The following CFAP58 variants were observed in gnomAD, a reference collection of about 807,000 sequenced individuals.
The protein encoded by CFAP58 is cilia- and flagella-associated protein 58.
CFAP58 carries 88 observed loss-of-function variants against 119.5 expected under a neutral mutation model. That is an observed-to-expected ratio of 0.74 (90% confidence interval 0.62 to 0.88). The LOEUF (loss-of-function observed/expected upper bound fraction) is 0.88, where lower values mean the gene tolerates loss of function less well. CFAP58 is among the 40% of genes least tolerant of loss of function. The probability of loss-of-function intolerance (pLI) is 0.00; values close to 1 mark genes in which losing one functional copy is unlikely to be tolerated. For missense variants in CFAP58, 990 were observed against 1,021.2 expected, an observed-to-expected ratio of 0.97 and a Z score of 0.42; for synonymous variants, 365 against 366.3, an observed-to-expected ratio of 1.00 and a Z score of 0.04.
Position 104,454,632 on chromosome 10 carries a change from G to A in CFAP58, c.*102G>A. ...CTTGGATCATAGAACTGAGTGCTGA[G>A]AATCCAGGATGGAAAGAAATGCAGA... is the stretch of plus-strand genomic sequence containing the variant. On this transcript the variant is annotated 3_prime_UTR_variant, in exon 18 of 18. Transcript: ENST00000369704. 1 of 813,360 alleles carries A rather than the reference G, an allele frequency of 1.2e-6. No homozygotes were observed. The allele number at this position is 813,360 out of a possible 1,614,324, so 50.4% of individuals were successfully genotyped here. A position where few individuals can be genotyped will look rare whatever the true frequency, so the allele number is the denominator to read the frequency against.
intron 5 of CFAP58, among the ~76,000 whole-genome samples, chr10:104,366,323 A>G (rs2014750037): frequency 1.3e-5 from 2 of 152,120 alleles, no homozygotes; most frequent in African/African-American, 4.8e-5. Context: ...ACTCAACCGC[A>G]TCTTGGTCAC....
At chr10:104,431,379 T>C (rs2012844580) in intron 15 of CFAP58, among the ~76,000 whole-genome samples, 1 of 152,222 alleles carries the variant, frequency 6.6e-6, no homozygotes, top group Non-Finnish European at 1.5e-5. Flanking sequence ...ATGGGATTTA[T>C]ATTTGGAAAA....
At position 104,362,592 on chromosome 10, in the gene CFAP58, C is replaced by G. The variant is rs376461769; in HGVS notation, c.440+421C>G. Among the ~76,000 whole-genome samples, 9 of 152,254 alleles carry G rather than the reference C, an allele frequency of 5.9e-5. No individual in the cohort carries two copies. In the East Asian group the frequency reaches 1.5e-3, roughly 26 times the overall value. On this transcript the variant is annotated intron_variant, in intron 3 of 17. Transcript: ENST00000369704. ...TGCTGCTCTTCCCTCCTCCTGCTCC[C>G]CCATCTCTTAAAGCCACTGTCTTGT...
intron 15 of CFAP58, among the ~76,000 whole-genome samples, chr10:104,422,588 G>C (rs1057418596): frequency 2.6e-5 from 4 of 152,202 alleles, no homozygotes; most frequent in African/African-American, 9.7e-5. Context: ...GCCCAAAGCT[G>C]GTTCATTTGG....
intron 15 of CFAP58, among the ~76,000 whole-genome samples, chr10:104,413,241 CT>C (rs1198590719): frequency 6.6e-6 from 1 of 152,174 alleles, no homozygotes; most frequent in Non-Finnish European, 1.5e-5. Flanking sequence ...TGACTTCTGA[CT>C]TTTCAGGAGT....
In CFAP58 at chr10:104,366,104, G is replaced by A. The variant is rs986199197; in HGVS notation, c.792+96G>A. Reference sequence around the variant, plus strand: ...GCATTTTGAATTCTCTTGGAAAGCAGCAAATTCCCTTCACTACTCGTGCTG... The same window carrying A: ...GCATTTTGAATTCTCTTGGAAAGCAACAAATTCCCTTCACTACTCGTGCTG... On this transcript the variant is annotated intron_variant, in intron 5 of 17. Transcript: ENST00000369704. 9 of 1,114,286 alleles carry A rather than the reference G, an allele frequency of 8.1e-6. No homozygotes were observed. In the African/African-American group the frequency reaches 1.1e-4, roughly 14 times the overall value. The allele number at this position is 1,114,286 out of a possible 1,614,324, so 69.0% of individuals were successfully genotyped here. A position where few individuals can be genotyped will look rare whatever the true frequency, so the allele number is the denominator to read the frequency against.
chr10:104,399,295 G>T, intron 11 of CFAP58, 65 bp from the exon 12 acceptor site: 2 of 1,561,610 alleles, frequency 1.3e-6, no homozygotes, highest in Non-Finnish European at 8.7e-7. Context: ...CTGAATCCGG[G>T]CCCTGTCGTC....
At chr10:104,391,440 A>G (rs1328585311) in intron 9 of CFAP58, among the ~76,000 whole-genome samples, 2 of 152,200 alleles carry the variant, frequency 1.3e-5, no homozygotes, top group African/African-American at 4.8e-5. Context: ...GCTGTTATTT[A>G]CACTGTAGTT....
chr10:104,422,859 G>A (rs1280287264), intron 15 of CFAP58, among the ~76,000 whole-genome samples: 3 of 152,124 alleles, frequency 2.0e-5, no homozygotes, highest in Non-Finnish European at 4.4e-5. Flanking sequence ...GACTATCTAG[G>A]GTCATAGTTA....
intron 1 of CFAP58, among the ~76,000 whole-genome samples, chr10:104,358,050 T>TATATGTACATATATACAC (rs1299799260): frequency 1.4e-5 from 2 of 147,378 alleles, no homozygotes; most frequent in South Asian, 2.1e-4. Flanking sequence ...TATACACACA[T>TATATGTACATATATACAC]ATATGTACAT....
chr10:104,406,621 T>A, intron 14 of CFAP58, 68 bp from the exon 15 acceptor site: 1 of 1,252,064 alleles, frequency 8.0e-7, no homozygotes. Context: ...AATGTGCATT[T>A]TACATAGAGG....
intron 15 of CFAP58, among the ~76,000 whole-genome samples, chr10:104,439,704 T>TAACAACAACAAA (rs2013002993): frequency 6.6e-6 from 1 of 151,176 alleles, no homozygotes; most frequent in African/African-American, 2.4e-5. Context: ...GACTCTGTCT[T>TAACAACAACAAA]AACAACAACA....
At chr10:104,352,691 C>T (rs2014475412), upstream of CFAP58, among the ~76,000 whole-genome samples, 1 of 152,158 alleles carries the variant, frequency 6.6e-6, no homozygotes, top group Non-Finnish European at 1.5e-5. Flanking sequence ...CGGACAAAGA[C>T]GATCATGGCT....
intron 15 of CFAP58, among the ~76,000 whole-genome samples, chr10:104,431,543 C>T (rs1341925153): frequency 3.3e-5 from 5 of 151,958 alleles, no homozygotes; most frequent in East Asian, 1.9e-4. Context: ...GCAGAAAAGT[C>T]GAGTATAATA....
At chr10:104,377,346 C>T (rs939638614) in intron 8 of CFAP58, among the ~76,000 whole-genome samples, 11 of 152,128 alleles carry the variant, frequency 7.2e-5, no homozygotes, top group African/African-American at 2.2e-4. Context: ...TTCAGGGTTG[C>T]TGTAGGTTTT....
the CFAP58 span, among the ~76,000 whole-genome samples, chr10:104,340,964 A>G: frequency 6.6e-6 from 1 of 152,152 alleles, no homozygotes; most frequent in East Asian, 1.9e-4. Context: ...CCGGCCCTGG[A>G]TGAATTTTAA....
At chr10:104,435,332 ATAT>A (rs1210458416) in intron 15 of CFAP58, among the ~76,000 whole-genome samples, 1 of 152,168 alleles carries the variant, frequency 6.6e-6, no homozygotes, top group Non-Finnish European at 1.5e-5. Context: ...AAATACAAAA[ATAT>A]TAGCCGGGCA....
chr10:104,451,812 T>G lies in CFAP58; in HGVS notation c.2510+1608T>G, dbSNP rs868238570. Among the ~76,000 whole-genome samples, 52 of 152,306 alleles carry G rather than the reference T, an allele frequency of 3.4e-4. No homozygotes were observed. The Middle Eastern group carries it at 0.014, about 40-fold the overall frequency. Reference sequence around the variant, plus strand: ...GTGCAGTGGCACCATCTTGGCTCACTCTGTCTCCGGGGTTGAAGCCATTCT... The same window carrying G: ...GTGCAGTGGCACCATCTTGGCTCACGCTGTCTCCGGGGTTGAAGCCATTCT... On this transcript the variant is annotated intron_variant, in intron 17 of 17. Coordinates refer to ENST00000369704, the MANE Select transcript of CFAP58 (RefSeq NM_001008723.2).
chr10:104,393,454 A>G lies in CFAP58; in HGVS notation c.1653A>G (p.Glu551=). 1 of 1,613,800 alleles carries G rather than the reference A, an allele frequency of 6.2e-7. No individual in the cohort carries two copies. Among genetic ancestry groups the G allele is most frequent in the Non-Finnish European group, 8.5e-7 (1 of 1,179,800 alleles). Residue 551 remains glutamate (E), a synonymous_variant, in exon 11 of 18, where the codon GAA becomes GAG. Transcript: ENST00000369704. Reference sequence around the variant, plus strand: ...TGCACCTGGAACAGCAGCGAATAGAAAAGGAAAAGGAAACATTGAAGGTAC... The same window carrying G: ...TGCACCTGGAACAGCAGCGAATAGAGAAGGAAAAGGAAACATTGAAGGTAC... The part of the protein sequence containing the change: ...VKLHLEQQRI[E]KEKETLKAEL...
Sources: gnomAD v4.1 joint callset for allele counts (sites outside exome capture counted in the v4.1 genomes callset) on GRCh38, gnomAD v4.1.1 for gene constraint, MANE v1.5 for transcripts, NCBI Gene and HGNC (gene_info 2026-07-23, HGNC 2026-07-21) for gene names.